TMEM231: variants seen among roughly 807,000 people sequenced by gnomAD.
TMEM231 encodes the protein transmembrane protein 231.
TMEM231 carries 40 observed loss-of-function variants against 38.5 expected under a neutral mutation model. The ratio of observed to expected loss-of-function variants is 1.04; its 90% confidence interval spans 0.81 to 1.35. TMEM231 has a LOEUF of 1.35. Ranked by LOEUF, TMEM231 falls within the 40% of genes most tolerant of loss-of-function variation. The probability of loss-of-function intolerance (pLI) is 0.00; values close to 1 mark genes in which losing one functional copy is unlikely to be tolerated. For synonymous variants in TMEM231, 199 were observed against 181.7 expected (o/e 1.10, Z -0.77); for missense variants, 420 against 416.9 (o/e 1.01, Z -0.07).
Position 75,538,771 on chromosome 16 carries a change from G to T in TMEM231, c.*1223C>A, listed in dbSNP as rs1322818123. ...GCTCCATGTGTTCTTGGAGGAGACT[G>T]CCCACATCCTCAGGAGGTGAATGGG... On this transcript the variant is annotated 3_prime_UTR_variant, in exon 7 of 7. Coordinates refer to ENST00000258173, the MANE Select transcript of TMEM231 (RefSeq NM_001077418.3). The T allele has an allele frequency of 6.6e-6, 1 of 152,194 alleles. No homozygotes were observed. Among genetic ancestry groups the T allele is most frequent in the Non-Finnish European group, 1.5e-5 (1 of 68,064 alleles). 9.4% of individuals were successfully genotyped at this position (152,194 alleles called of 1,614,324 possible).
At chr16:75,553,657 G>C (rs908337596) in intron 2 of TMEM231, among the ~76,000 whole-genome samples, 19 of 150,730 alleles carry the variant, frequency 1.3e-4, no homozygotes, top group Non-Finnish European at 2.4e-4. Context: ...AGAAAAGCTA[G>C]GGCAAATTGT....
intron 2 of TMEM231, among the ~76,000 whole-genome samples, chr16:75,553,683 C>T (rs879892836): frequency 2.7e-5 from 4 of 147,758 alleles, no homozygotes; most frequent in South Asian, 4.4e-4. Context: ...TTCTCTATTT[C>T]TTTTTAATTT....
chr16:75,553,928 T>G (rs948127101), intron 2 of TMEM231, among the ~76,000 whole-genome samples: 3 of 152,160 alleles, frequency 2.0e-5, no homozygotes, highest in African/African-American at 7.2e-5. Flanking sequence ...AGGCATTCTC[T>G]ATTGAGTTCC....
At chr16:75,553,621 C>CAAAAAAA (rs60225459) in intron 2 of TMEM231, among the ~76,000 whole-genome samples, 3 of 91,626 alleles carry the variant, frequency 3.3e-5, no homozygotes, top group African/African-American at 6.9e-5. Flanking sequence ...AACTCTGTTG[C>CAAAAAAA]AAAAAAAAAA....
Position 75,556,131 on chromosome 16 carries a change from G to A in TMEM231, c.79C>T (p.Leu27=), listed in dbSNP as rs370607340. The change falls in exon 1 of 7, where the codon CTG becomes TTG. Residue 27 remains leucine, a synonymous_variant. Transcript: ENST00000258173. ...TACGTGAGCGCAGCGGCCAGCAGCA[G>A]GAACAGCGCGGCTTTGGAGCAGAGC... ...AGLCSKAALF[L]LLAAALTYIP... is the part of the protein sequence containing the mutation. 4.2e-5 allele frequency: 67 copies of A among 1,578,992 alleles called. No homozygotes were observed. The African/African-American group carries it at 7.6e-4, about 18-fold the overall frequency.
rs2080596441 is a variant in TMEM231, at chr16:75,539,530, G to A, written c.*464C>T. 2.0e-5 allele frequency: 3 copies of A among 152,170 alleles called. No individual in the cohort carries two copies. Among genetic ancestry groups the A allele is most frequent in the East Asian group, 2.0e-4 (1 of 5,068 alleles). The allele number at this position is 152,170 out of a possible 1,614,324, so 9.4% of individuals were successfully genotyped here. The stretch of plus-strand genomic sequence containing the variant: ...ATCAAAGCTGTGAATGGGAAATGGA[G>A]AAGCCCAGGGGTGCAAAGTGCTAGT... On this transcript the variant is annotated 3_prime_UTR_variant, in exon 7 of 7. Coordinates refer to ENST00000258173, the MANE Select transcript of TMEM231 (RefSeq NM_001077418.3).
intron 2 of TMEM231, among the ~76,000 whole-genome samples, chr16:75,551,682 G>T (rs949013673): frequency 6.6e-6 from 1 of 151,990 alleles, no homozygotes; most frequent in African/African-American, 2.4e-5. Flanking sequence ...AGCAAAATAG[G>T]TCGGGGCAGT....
intron 2 of TMEM231, among the ~76,000 whole-genome samples, chr16:75,551,911 G>C (rs906272323): frequency 1.3e-5 from 2 of 150,856 alleles, no homozygotes; most frequent in Admixed American, 1.3e-4. Flanking sequence ...GCAGTGAGAA[G>C]AGATTGCGCC....
chr16:75,541,485 G>A (rs142499022), intron 5 of TMEM231, 30 bp from the exon 6 acceptor site: 24 of 1,480,200 alleles, frequency 1.6e-5, no homozygotes, highest in African/African-American at 2.8e-5. Flanking sequence ...CATTAACCAC[G>A]ATGGCTGTTT....
chr16:75,555,769 C>T (rs888733406), intron 2 of TMEM231, 35 bp downstream of exon 2: 1 of 1,478,982 alleles, frequency 6.8e-7, no homozygotes, highest in Non-Finnish European at 9.0e-7. Context: ...ACCCTATCCC[C>T]GACTCTGCCC....
In TMEM231 at chr16:75,541,373, G is replaced by T. The variant is rs143003749; in HGVS notation, c.747C>A (p.Ile249=). Residue 249 remains isoleucine (I), a synonymous_variant, in exon 6 of 7, where the codon ATC becomes ATA. Coordinates refer to ENST00000258173, the MANE Select transcript of TMEM231 (RefSeq NM_001077418.3). Reference sequence around the variant, plus strand: ...ATGAAATGACTTCCACAGGGTATCGGATGATAGCATTAATCACAAATGGAG... The same window carrying T: ...ATGAAATGACTTCCACAGGGTATCGTATGATAGCATTAATCACAAATGGAG... ...ADAPFVINAI[I]RYPVEVISYQ... is the part of the protein sequence containing the mutation. 6.2e-7 allele frequency: 1 copy of T among 1,611,380 alleles called. No homozygotes were observed. The highest frequency in any genetic ancestry group is 8.5e-7 in the Non-Finnish European group (1 of 1,178,396).
At chr16:75,547,501 A>G (rs1356372070) in intron 2 of TMEM231, among the ~76,000 whole-genome samples, 1 of 152,116 alleles carries the variant, frequency 6.6e-6, no homozygotes, top group East Asian at 1.9e-4. Flanking sequence ...TGATCAAGTT[A>G]CTGAGGCAAT....
At position 75,542,675 on chromosome 16, in the gene TMEM231, C is replaced by T. The variant is rs1323260160; in HGVS notation, c.591G>A (p.Val197=). ...AGGCAAAGGGGCTGGTCCCGTTGAT[C>T]ACGGATATCTGGGACACGGGAGGAG... ...GGLDARYNIS[V]INGTSPFAYD... Residue 197 remains valine (V), a synonymous_variant, in exon 5 of 7, where the codon GTG becomes GTA. Transcript: ENST00000258173. The T allele has an allele frequency of 6.2e-7, 1 of 1,613,760 alleles. No homozygotes were observed. The highest frequency in any genetic ancestry group is 8.5e-7 in the Non-Finnish European group (1 of 1,179,870).
In TMEM231 at chr16:75,540,045, A is replaced by G. The variant is rs199628375; in HGVS notation, c.900T>C (p.Ile300=). 355 of 1,613,632 alleles carry G rather than the reference A, an allele frequency of 2.2e-4. 1 individual carries two copies. The African/African-American group carries it at 3.0e-3, about 14-fold the overall frequency. Residue 300 remains isoleucine, a synonymous_variant, in exon 7 of 7, where the codon ATT becomes ATC. Transcript: ENST00000258173. ...CTCCCCGGGGCGTCACTGTCACAGG[A>G]ATGGTGGTCACCACCTGATTCTGAA... ...FVFQNQVVTT[I]PVTVTPRGDL...
intron 6 of TMEM231, 88 bp downstream of exon 6, chr16:75,541,262 C>A: frequency 1.2e-6 from 1 of 846,734 alleles, no homozygotes. Context: ...TCAAATGATC[C>A]TCCCACCTTG....
intron 2 of TMEM231, among the ~76,000 whole-genome samples, chr16:75,554,608 A>T (rs1166206): frequency 0.31 from 46,352 of 151,448 alleles, 9,287 homozygotes; most frequent in Non-Finnish European, 0.46. Context: ...TGTTGTCCCT[A>T]ATAGTGAAAA....
chr16:75,555,110 G>A (rs1405177692), intron 2 of TMEM231: 1 of 152,178 alleles, frequency 6.6e-6, no homozygotes, highest in East Asian at 1.9e-4. Context: ...GTGAAAAGGA[G>A]TGACTACAAA....
In TMEM231 at chr16:75,546,043, T is replaced by C. The variant is rs1235814573; in HGVS notation, c.310-89A>G. The C allele has an allele frequency of 7.1e-6, 11 of 1,557,298 alleles. No homozygotes were observed. In the Admixed American group the frequency reaches 7.7e-5, roughly 11 times the overall value. ...CTTCTGTAAATACACAATGACCCAC[T>C]GTCTTGCTGTACACAACAGGCATTA... On this transcript the variant is annotated intron_variant, in intron 2 of 6. Transcript: ENST00000258173.
intron 2 of TMEM231, chr16:75,555,515 C>G (rs80299509): frequency 5.1e-6 from 2 of 390,680 alleles, no homozygotes; most frequent in Non-Finnish European, 9.1e-6. Context: ...GCGGGTGTGA[C>G]CCGGGCAGAC....
Sources: allele counts gnomAD v4.1 joint callset (sites outside exome capture counted in the v4.1 genomes callset), GRCh38; gene constraint gnomAD v4.1.1; transcripts MANE v1.5; gene names NCBI Gene and HGNC (gene_info 2026-07-23, HGNC 2026-07-21).